THRB: variants seen among roughly 807,000 people sequenced by gnomAD.
The protein encoded by THRB is nuclear receptor subfamily 1 group A member 2.
In THRB, 12 loss-of-function variants were observed where a neutral mutation model predicts 47.8. The observed-to-expected ratio is 0.25, with a 90% CI of 0.16 to 0.41. THRB has a LOEUF of 0.41. Among genes scored for constraint, THRB ranks in the 10% least tolerant of loss-of-function variants. The probability of loss-of-function intolerance (pLI) is 1.00; values close to 1 mark genes in which losing one functional copy is unlikely to be tolerated. For synonymous variants in THRB, 218 were observed against 212.2 expected (o/e 1.03, Z -0.24); for missense variants, 348 against 589.2 (o/e 0.59, Z 4.24).
intron 3 of THRB, among the ~76,000 whole-genome samples, chr3:24,261,676 C>G (rs2052053525): frequency 6.6e-6 from 1 of 152,116 alleles, no homozygotes; most frequent in South Asian, 2.1e-4. Flanking sequence ...TCTCTCCCCA[C>G]TCTTCAAAAC....
At chr3:24,237,122 A>G (rs1453465949) in intron 3 of THRB, among the ~76,000 whole-genome samples, 1 of 152,152 alleles carries the variant, frequency 6.6e-6, no homozygotes, top group Non-Finnish European at 1.5e-5. Context: ...AATGTGGAAA[A>G]CTAGTGAAAG....
At chr3:24,243,738 T>G (rs556903198) in intron 3 of THRB, among the ~76,000 whole-genome samples, 18 of 152,234 alleles carry the variant, frequency 1.2e-4, no homozygotes, top group African/African-American at 4.3e-4. Context: ...GACTGTTTTT[T>G]CTCCCTCTGC....
intron 1 of THRB, among the ~76,000 whole-genome samples, chr3:24,478,280 C>A (rs1695789667): frequency 6.6e-6 from 1 of 152,048 alleles, no homozygotes; most frequent in East Asian, 1.9e-4. Context: ...TTTATGTCAT[C>A]ATTTTTTGTA....
At chr3:24,279,911 T>C (rs2054367514) in intron 3 of THRB, among the ~76,000 whole-genome samples, 1 of 152,316 alleles carries the variant, frequency 6.6e-6, no homozygotes, top group South Asian at 2.1e-4. Flanking sequence ...AAAGCTCTGC[T>C]TCAGTAGAAT....
chr3:24,229,982 C>T (rs1559672682), intron 3 of THRB, among the ~76,000 whole-genome samples: 1 of 152,160 alleles, frequency 6.6e-6, no homozygotes, highest in Non-Finnish European at 1.5e-5. Flanking sequence ...ACTTGTCCCA[C>T]TTATTTCACA....
At chr3:24,414,693 A>G (rs1210397631) in intron 1 of THRB, among the ~76,000 whole-genome samples, 2 of 151,852 alleles carry the variant, frequency 1.3e-5, no homozygotes, top group African/African-American at 2.4e-5. Context: ...TGATCACTTA[A>G]AGGGGTAAAA....
At chr3:24,168,468 G>A (rs966592711) in intron 5 of THRB, among the ~76,000 whole-genome samples, 2 of 133,154 alleles carry the variant, frequency 1.5e-5, no homozygotes, top group South Asian at 2.3e-4. Flanking sequence ...TAATAATTCC[G>A]ATTAGAAGTG....
At chr3:24,147,234 C>T (rs2036217089) in intron 6 of THRB, among the ~76,000 whole-genome samples, 1 of 151,786 alleles carries the variant, frequency 6.6e-6, no homozygotes, top group Non-Finnish European at 1.5e-5. Context: ...GCTCCAAGAC[C>T]AAGAAGAAAG....
intron 3 of THRB, among the ~76,000 whole-genome samples, chr3:24,279,620 C>A (rs758126419): frequency 6.0e-5 from 9 of 149,970 alleles, no homozygotes; most frequent in Non-Finnish European, 3.0e-5. Context: ...TGGTCTCTAT[C>A]TCCTGACCTC....
chr3:24,254,848 A>G (rs1278471204), intron 3 of THRB, among the ~76,000 whole-genome samples: 3 of 152,232 alleles, frequency 2.0e-5, no homozygotes, highest in Non-Finnish European at 4.4e-5. Context: ...GTGGTCAGTT[A>G]GTGACATTAG....
At chr3:24,209,103 A>G (rs147450827) in intron 4 of THRB, among the ~76,000 whole-genome samples, 5,210 of 152,342 alleles carry the variant, frequency 0.034, 279 homozygotes, top group African/African-American at 0.11. Flanking sequence ...ATCACTGGCC[A>G]TCAGAGAAAT....
At chr3:24,490,900 A>T (rs1285972867) in intron 1 of THRB, among the ~76,000 whole-genome samples, 1 of 152,174 alleles carries the variant, frequency 6.6e-6, no homozygotes, top group Non-Finnish European at 1.5e-5. Flanking sequence ...TTTCATTATT[A>T]TGTCTTCTGC....
Position 24,442,779 on chromosome 3 carries a change from G to A in THRB, c.-261+51873C>T, listed in dbSNP as rs140491450. Among the ~76,000 whole-genome samples, 979 of 144,532 alleles carry A rather than the reference G, an allele frequency of 6.8e-3. 10 individuals carry two copies. The highest frequency in any genetic ancestry group is 0.024 in the African/African-American group (918 of 39,002). The allele number at this position is 144,532 out of a possible 152,430, so 94.8% of individuals were successfully genotyped here. A position where few individuals can be genotyped will look rare whatever the true frequency, so the allele number is the denominator to read the frequency against. ...GCAGAGGTTGCGGTGAGCCGAGATC[G>A]TGCCATTGTACTCCAGCCTGGGCAA... On this transcript the variant is annotated intron_variant, in intron 1 of 10. Transcript: ENST00000646209.
chr3:24,123,250 G>C, intron 10 of THRB, 125 bp from the exon 11 acceptor site: 2 of 1,407,882 alleles, frequency 1.4e-6, no homozygotes, highest in Non-Finnish European at 9.9e-7. Flanking sequence ...CCATGAGCAT[G>C]GATGCAGCGT....
intron 1 of THRB, among the ~76,000 whole-genome samples, chr3:24,489,251 T>A (rs78643697): frequency 4.0e-5 from 6 of 148,536 alleles, no homozygotes; most frequent in East Asian, 2.0e-4. Context: ...AAAAAAAAAA[T>A]AAGAAAAAAA....
At chr3:24,130,086 G>GC (rs1461888162) in intron 9 of THRB, among the ~76,000 whole-genome samples, 1 of 152,162 alleles carries the variant, frequency 6.6e-6, no homozygotes, top group Non-Finnish European at 1.5e-5. Flanking sequence ...AATATAAAAG[G>GC]CTAAAGGTCA....
intron 3 of THRB, among the ~76,000 whole-genome samples, chr3:24,279,442 T>G (rs1336586456): frequency 6.6e-6 from 1 of 152,068 alleles, no homozygotes; most frequent in Non-Finnish European, 1.5e-5. Context: ...GGAGGTGCAG[T>G]GGTGCAATCT....
intron 2 of THRB, among the ~76,000 whole-genome samples, chr3:24,329,068 TC>T (rs1371689551): frequency 2.0e-5 from 3 of 152,054 alleles, no homozygotes; most frequent in Non-Finnish European, 4.4e-5. Flanking sequence ...CACCTCAGCC[TC>T]CCATGTAGCT....
chr3:24,273,611 G>C (rs1313984177), intron 3 of THRB, among the ~76,000 whole-genome samples: 1 of 152,180 alleles, frequency 6.6e-6, no homozygotes. Context: ...TAACTTAGTT[G>C]GTGGCAGAAG....
Sources: gnomAD v4.1 joint callset for allele counts (sites outside exome capture counted in the v4.1 genomes callset) on GRCh38, gnomAD v4.1.1 for gene constraint, MANE v1.5 for transcripts, NCBI Gene and HGNC (gene_info 2026-07-23, HGNC 2026-07-21) for gene names.